The following SCFD2 variants were observed in gnomAD, a reference collection of about 807,000 sequenced individuals.
The protein encoded by SCFD2 is sec1 family domain-containing protein 2.
In SCFD2, 54 loss-of-function variants were observed where a neutral mutation model predicts 58.9. The observed-to-expected ratio is 0.92, with a 90% confidence interval of 0.74 to 1.15. The LOEUF is 1.15. Among genes scored for constraint, SCFD2 ranks in the 50% most tolerant of loss-of-function variants. SCFD2 has a pLI of 0.00. For synonymous variants in SCFD2, 321 were observed against 335.9 expected, an observed-to-expected ratio of 0.96 and a Z score of 0.49; for missense variants, 805 against 836.6, an observed-to-expected ratio of 0.96 and a Z score of 0.47.
At chr4:53,096,280 G>C (rs1724630471) in intron 5 of SCFD2, among the ~76,000 whole-genome samples, 1 of 152,164 alleles carries the variant, frequency 6.6e-6, no homozygotes, top group Non-Finnish European at 1.5e-5. Flanking sequence ...CTAGATCCTT[G>C]AGGAATCGCC....
At chr4:53,220,114 C>T (rs1429589797) in intron 4 of SCFD2, among the ~76,000 whole-genome samples, 2 of 152,168 alleles carry the variant, frequency 1.3e-5, no homozygotes, top group African/African-American at 4.8e-5. Context: ...TCAGAAATGC[C>T]CAACCCTCAC....
intron 4 of SCFD2, among the ~76,000 whole-genome samples, chr4:53,270,592 C>T (rs191574869): frequency 6.6e-6 from 1 of 152,154 alleles, no homozygotes; most frequent in African/African-American, 2.4e-5. Context: ...CTTGCCCACA[C>T]AGAAGGCCCA....
rs1718962576 is a variant in SCFD2, at chr4:52,894,861, A to ACTT, written c.1843-8998_1843-8996dup. Among the ~76,000 whole-genome samples, 11 of 152,346 alleles carry ACTT rather than the reference A, an allele frequency of 7.2e-5. No homozygotes were observed. In the South Asian group the frequency reaches 2.3e-3, roughly 32 times the overall value. On this transcript the variant is annotated intron_variant, in intron 7 of 8. Coordinates refer to ENST00000401642, the MANE Select transcript of SCFD2 (RefSeq NM_152540.4). ...TACTTTATGGGACTTGATGGAGCAA[A>ACTT]CTTGGGAGAGGAAAGTTCCCTAGCT...
intron 3 of SCFD2, among the ~76,000 whole-genome samples, chr4:53,309,631 T>TA (rs1475068201): frequency 6.6e-6 from 1 of 151,968 alleles, no homozygotes. Context: ...GAATTCTGCT[T>TA]AAAAAAAGAC....
At chr4:53,029,115 A>G (rs765573711) in intron 5 of SCFD2, among the ~76,000 whole-genome samples, 1 of 151,994 alleles carries the variant, frequency 6.6e-6, no homozygotes, top group Non-Finnish European at 1.5e-5. Flanking sequence ...GAGCTGTAAA[A>G]TTTTTCTTGT....
At chr4:53,197,747 CAAAAAAAA>C (rs10717880) in intron 4 of SCFD2, among the ~76,000 whole-genome samples, 1 of 96,612 alleles carries the variant, frequency 1.0e-5, no homozygotes, top group South Asian at 3.4e-4. Flanking sequence ...TAGAAGATGG[CAAAAAAAA>C]AAAAAAAAAA....
At chr4:52,911,425 T>C (rs1431067522) in intron 6 of SCFD2, among the ~76,000 whole-genome samples, 5 of 152,260 alleles carry the variant, frequency 3.3e-5, no homozygotes, top group Non-Finnish European at 5.9e-5. Context: ...GCAGAGATTT[T>C]AGAAGTGCTG....
chr4:52,988,418 C>T (rs1721546179), intron 5 of SCFD2, among the ~76,000 whole-genome samples: 1 of 152,188 alleles, frequency 6.6e-6, no homozygotes, highest in African/African-American at 2.4e-5. Flanking sequence ...ATCTTACGAA[C>T]CACATTTGTC....
chr4:53,096,931 A>G (rs1724655913), intron 5 of SCFD2, among the ~76,000 whole-genome samples: 1 of 152,164 alleles, frequency 6.6e-6, no homozygotes, highest in African/African-American at 2.4e-5. Flanking sequence ...CTTTCTACAT[A>G]TGGCTAGCCA....
chr4:53,129,416 G>C (rs1323477486), intron 5 of SCFD2, among the ~76,000 whole-genome samples: 1 of 152,168 alleles, frequency 6.6e-6, no homozygotes, highest in Non-Finnish European at 1.5e-5. Flanking sequence ...TTATATTATT[G>C]TTTACATTTA....
chr4:53,018,969 A>G (rs1394828980), intron 5 of SCFD2, among the ~76,000 whole-genome samples: 1 of 152,194 alleles, frequency 6.6e-6, no homozygotes, highest in Admixed American at 6.5e-5. Context: ...TTTCTACTTG[A>G]TAAGTAAAGA....
At chr4:53,053,778 T>C (rs1723249568) in intron 5 of SCFD2, among the ~76,000 whole-genome samples, 2 of 152,170 alleles carry the variant, frequency 1.3e-5, no homozygotes, top group Admixed American at 6.5e-5. Flanking sequence ...TTCCCCTTGT[T>C]TCCCTTCTAT....
intron 4 of SCFD2, among the ~76,000 whole-genome samples, chr4:53,188,910 A>T (rs1308577299): frequency 2.0e-5 from 3 of 152,042 alleles, no homozygotes; most frequent in Admixed American, 6.6e-5. Flanking sequence ...GAATAATAGC[A>T]CCCAGTTTTT....
rs983197807 is a variant in SCFD2 at position 52,932,862 on chromosome 4, C to A, written c.1562-11992G>T. Among the ~76,000 whole-genome samples, 8 of 152,270 alleles carry A rather than the reference C, an allele frequency of 5.3e-5. No individual in the cohort carries two copies. The East Asian group carries it at 1.5e-3, about 29-fold the overall frequency. ...ACTATGCCTGAAATTTAAGCTCCCA[C>A]TAAATGAGGCCCCTTATCTATCACT... On this transcript the variant is annotated intron_variant, in intron 5 of 8. Transcript: ENST00000401642.
At chr4:53,061,630 T>C (rs1196245495) in intron 5 of SCFD2, among the ~76,000 whole-genome samples, 3 of 152,140 alleles carry the variant, frequency 2.0e-5, no homozygotes, top group Non-Finnish European at 4.4e-5. Flanking sequence ...TGCATTTACA[T>C]TGCGAGTTCC....
At chr4:53,227,719 G>A (rs1449659830) in intron 4 of SCFD2, among the ~76,000 whole-genome samples, 5 of 152,024 alleles carry the variant, frequency 3.3e-5, no homozygotes, top group Admixed American at 3.3e-4. Context: ...AAATACTGGA[G>A]GGGAGTGCTC....
chr4:53,221,620 A>C (rs900029117), intron 4 of SCFD2, among the ~76,000 whole-genome samples: 3 of 152,200 alleles, frequency 2.0e-5, no homozygotes, highest in African/African-American at 7.2e-5. Flanking sequence ...TTTGGATACA[A>C]TTTTTAGAAT....
chr4:53,007,777 A>G (rs780265839), intron 5 of SCFD2, among the ~76,000 whole-genome samples: 2 of 152,214 alleles, frequency 1.3e-5, no homozygotes, highest in African/African-American at 4.8e-5. Context: ...CTTCCTACAT[A>G]TCCATGAAAC....
intron 5 of SCFD2, among the ~76,000 whole-genome samples, chr4:52,960,717 CACACACACACA>C (rs1027956177): frequency 2.0e-4 from 30 of 147,510 alleles, no homozygotes; most frequent in African/African-American, 8.1e-4. Flanking sequence ...CTGACACACA[CACACACACACA>C]ACACACACAC....
Sources: gnomAD v4.1 joint callset for allele counts (sites outside exome capture counted in the v4.1 genomes callset) on GRCh38, gnomAD v4.1.1 for gene constraint, MANE v1.5 for transcripts, NCBI Gene and HGNC (gene_info 2026-07-23, HGNC 2026-07-21) for gene names.